ROBO2: variants seen among roughly 807,000 people sequenced by gnomAD.
The protein encoded by ROBO2 is roundabout guidance receptor 2, also known as roundabout homolog 2.
ROBO2 carries 53 observed loss-of-function variants against 160.8 expected under a neutral mutation model. The observed-to-expected ratio is 0.33, with a 90% confidence interval of 0.26 to 0.41. The LOEUF (loss-of-function observed/expected upper bound fraction) is 0.41. Among genes scored for constraint, ROBO2 ranks in the 10% least tolerant of loss-of-function variants. The probability of loss-of-function intolerance (pLI) is 1.00; values close to 1 mark genes in which losing one functional copy is unlikely to be tolerated. For missense variants in ROBO2, 1,577 were observed against 1,722.4 expected (o/e 0.92, Z 1.49); for synonymous variants, 664 against 611.7 (o/e 1.09, Z -1.26).
intron 2 of ROBO2, among the ~76,000 whole-genome samples, chr3:77,471,307 T>C (rs2083325820): frequency 1.3e-5 from 2 of 152,176 alleles, no homozygotes; most frequent in Admixed American, 1.3e-4. Context: ...TGGGAAAGGA[T>C]ATGGGATTAT....
chr3:76,560,168 C>T (rs2166786), intron 2 of ROBO2, among the ~76,000 whole-genome samples: 56,946 of 151,802 alleles, frequency 0.38, 10,798 homozygotes, highest in Middle Eastern at 0.46. Context: ...GTCCACCCAA[C>T]ACACCTATGC....
chr3:76,410,227 T>A (rs1295080047), intron 2 of ROBO2, among the ~76,000 whole-genome samples: 1 of 152,044 alleles, frequency 6.6e-6, no homozygotes, highest in African/African-American at 2.4e-5. Context: ...CACACCAGTG[T>A]TCTTTGTGAT....
intron 1 of ROBO2, among the ~76,000 whole-genome samples, chr3:77,066,707 TG>T (rs1474114692): frequency 6.6e-6 from 1 of 152,132 alleles, no homozygotes; most frequent in Non-Finnish European, 1.5e-5. Flanking sequence ...CTTTTATTTT[TG>T]GTTTTAAACA....
chr3:76,061,045 C>T (rs577303861), intron 2 of ROBO2, among the ~76,000 whole-genome samples: 8 of 152,222 alleles, frequency 5.3e-5, no homozygotes, highest in South Asian at 2.1e-4. Context: ...TTCCCTGGTA[C>T]GATTTGCAGC....
intron 2 of ROBO2, among the ~76,000 whole-genome samples, chr3:76,682,477 C>T (rs976423802): frequency 2.6e-5 from 4 of 151,972 alleles, no homozygotes; most frequent in African/African-American, 9.7e-5. Flanking sequence ...AGCACGATCT[C>T]GGTTCACTGT....
intron 2 of ROBO2, among the ~76,000 whole-genome samples, chr3:75,961,196 T>G (rs540106142): frequency 4.6e-5 from 7 of 151,826 alleles, no homozygotes; most frequent in Admixed American, 4.6e-4. Context: ...ATGGCACTTT[T>G]TTTTATTGAT....
intron 2 of ROBO2, among the ~76,000 whole-genome samples, chr3:75,966,569 A>G (rs1949124282): frequency 1.3e-5 from 2 of 151,788 alleles, no homozygotes; most frequent in South Asian, 2.1e-4. Context: ...CAGCCACCCA[A>G]TATGGCATGA....
intron 2 of ROBO2, among the ~76,000 whole-genome samples, chr3:76,997,626 G>T (rs1374239343): frequency 6.6e-6 from 1 of 152,172 alleles, no homozygotes; most frequent in Non-Finnish European, 1.5e-5. Flanking sequence ...AGTGTAAAAA[G>T]TAAGAGAAAG....
chr3:76,908,065 C>G (rs1016562274), intron 2 of ROBO2, among the ~76,000 whole-genome samples: 4 of 152,088 alleles, frequency 2.6e-5, no homozygotes, highest in Non-Finnish European at 5.9e-5. Context: ...GTCTCAAACT[C>G]CTGACCTCAA....
chr3:76,601,393 T>C (rs560650011), intron 2 of ROBO2, among the ~76,000 whole-genome samples: 1 of 152,214 alleles, frequency 6.6e-6, no homozygotes, highest in African/African-American at 2.4e-5. Flanking sequence ...CTCCATGAGG[T>C]TTCCACCCTT....
intron 2 of ROBO2, among the ~76,000 whole-genome samples, chr3:76,988,957 T>C (rs114382121): frequency 0.036 from 5,479 of 152,220 alleles, 118 homozygotes; most frequent in Middle Eastern, 0.071. Flanking sequence ...TATATTAAGG[T>C]ATATAATAAA....
At chr3:76,405,622 A>G (rs1242768743) in intron 2 of ROBO2, among the ~76,000 whole-genome samples, 1 of 151,760 alleles carries the variant, frequency 6.6e-6, no homozygotes, top group Admixed American at 6.6e-5. Context: ...ATAGGTATCC[A>G]AAATTATCAT....
chr3:76,177,377 T>A (rs938265911), intron 2 of ROBO2, among the ~76,000 whole-genome samples: 2 of 152,196 alleles, frequency 1.3e-5, no homozygotes, highest in African/African-American at 4.8e-5. Flanking sequence ...ATTCTAACTA[T>A]TCAAACTTAT....
chr3:77,167,704 T>C (rs973775133), intron 2 of ROBO2, among the ~76,000 whole-genome samples: 1 of 152,228 alleles, frequency 6.6e-6, no homozygotes, highest in Non-Finnish European at 1.5e-5. Context: ...TTGTATCTTG[T>C]TGTGTACATT....
chr3:77,556,025 AT>A (rs1320431885), intron 8 of ROBO2, among the ~76,000 whole-genome samples: 4 of 151,966 alleles, frequency 2.6e-5, no homozygotes, highest in Admixed American at 2.0e-4. Flanking sequence ...GGATATGACA[AT>A]AAAAGCAGGT....
At chr3:77,031,714 A>T (rs909505103) in intron 2 of ROBO2, among the ~76,000 whole-genome samples, 2 of 147,316 alleles carry the variant, frequency 1.4e-5, no homozygotes, top group African/African-American at 4.9e-5. Context: ...CATTATAATT[A>T]TATTATTATA....
At chr3:76,096,316 G>A (rs2069452024) in intron 2 of ROBO2, among the ~76,000 whole-genome samples, 1 of 152,060 alleles carries the variant, frequency 6.6e-6, no homozygotes, top group Non-Finnish European at 1.5e-5. Flanking sequence ...TGGGTAACAA[G>A]AATATTCAGA....
intron 2 of ROBO2, among the ~76,000 whole-genome samples, chr3:76,490,282 G>A (rs574215518): frequency 6.6e-6 from 1 of 152,274 alleles, no homozygotes; most frequent in South Asian, 2.1e-4. Context: ...ACTTCTCAGT[G>A]GGATTGTATG....
intron 2 of ROBO2, among the ~76,000 whole-genome samples, chr3:76,911,287 C>T (rs779135424): frequency 2.0e-5 from 3 of 152,252 alleles, no homozygotes; most frequent in Non-Finnish European, 4.4e-5. Context: ...CTTTTTACCT[C>T]TTAATGATTT....
Sources: gnomAD v4.1 joint callset for allele counts (sites outside exome capture counted in the v4.1 genomes callset) on GRCh38, gnomAD v4.1.1 for gene constraint, MANE v1.5 for transcripts, NCBI Gene and HGNC (gene_info 2026-07-23, HGNC 2026-07-21) for gene names.